CCDC69: variants seen among roughly 807,000 people sequenced by gnomAD.
The protein encoded by CCDC69 is coiled-coil domain-containing protein 69.
Under a neutral mutation model 40.3 loss-of-function variants are expected in CCDC69, and 38 were observed. The ratio of observed to expected loss-of-function variants is 0.94; its 90% CI spans 0.73 to 1.24. The LOEUF (loss-of-function observed/expected upper bound fraction) is 1.24. CCDC69 is among the 50% of genes most tolerant of loss of function. The pLI is 0.00. For synonymous variants in CCDC69, 141 were observed against 138.9 expected (o/e 1.02, Z -0.11); for missense variants, 389 against 357.9 (o/e 1.09, Z -0.70).
intron 1 of CCDC69, 103 bp downstream of exon 1, chr5:151,223,820 C>T (rs2114009146): frequency 4.2e-6 from 5 of 1,203,232 alleles, no homozygotes; most frequent in Non-Finnish European, 5.9e-6. Flanking sequence ...GTCCGGTATC[C>T]CGGGCCGACC....
At chr5:151,212,696 A>G in intron 1 of CCDC69, 1 of 436,490 alleles carries the variant, frequency 2.3e-6, no homozygotes, top group South Asian at 1.6e-5. Flanking sequence ...GGCTGTTAAC[A>G]GAACAAGAGT....
intron 4 of CCDC69, among the ~76,000 whole-genome samples, chr5:151,194,784 T>A (rs1752671360): frequency 6.6e-6 from 1 of 150,480 alleles, no homozygotes; most frequent in South Asian, 2.1e-4. Flanking sequence ...TCCCAGTTAC[T>A]CGGGAGGCTC....
intron 1 of CCDC69, among the ~76,000 whole-genome samples, chr5:151,209,969 T>G (rs1752907204): frequency 6.6e-6 from 1 of 152,198 alleles, no homozygotes; most frequent in Non-Finnish European, 1.5e-5. Context: ...AGAAAATACA[T>G]GAAAATATAG....
intron 2 of CCDC69, among the ~76,000 whole-genome samples, chr5:151,203,380 G>T (rs1016925814): frequency 7.3e-5 from 11 of 151,396 alleles, no homozygotes; most frequent in Non-Finnish European, 1.5e-4. Context: ...CATGGTGGCA[G>T]GCGCCTGTAA....
chr5:151,211,628 A>T (rs965726768), intron 1 of CCDC69, among the ~76,000 whole-genome samples: 6 of 151,172 alleles, frequency 4.0e-5, no homozygotes, highest in Admixed American at 6.6e-5. Context: ...GGCTCAAGCA[A>T]TTCTCCTGCC....
rs1158999826 is a variant in CCDC69 at position 151,183,225 on chromosome 5, G to T, written c.*212C>A. 3 of 699,054 alleles carry T rather than the reference G, an allele frequency of 4.3e-6. No homozygotes were observed. The highest frequency in any genetic ancestry group is 4.0e-5 in the Admixed American group (2 of 49,594). 43.3% of individuals were successfully genotyped at this position (699,054 alleles called of 1,614,324 possible). A position where few individuals can be genotyped will look rare whatever the true frequency, so the allele number is the denominator to read the frequency against. On this transcript the variant is annotated 3_prime_UTR_variant, in exon 9 of 9. Transcript: ENST00000355417. ...TTGCTTATTCCCTTGGCCAACTCAA[G>T]GGAAGACGCTTCTCGGGGCCTCCAA...
chr5:151,185,516 C>T lies in CCDC69; in HGVS notation c.521G>A (p.Trp174Ter), dbSNP rs1752495013. 6.2e-7 allele frequency: 1 copy of T among 1,614,076 alleles called. No homozygotes were observed. Among genetic ancestry groups the T allele is most frequent in the South Asian group, 1.1e-5 (1 of 91,078 alleles). Residue 174 changes from tryptophan (W) to a stop codon, truncating the protein, a stop_gained, in exon 7 of 9, where the codon TGG (tryptophan) becomes TAG (stop). Transcript: ENST00000355417. LOFTEE classifies it high-confidence loss of function. ...IQDYGSPSQF[W>*]EQELESLHFV... ...GTGTAAGCTCTCCAGCTCCTGCTCC[C>T]AGAACTGGCTGGGGCTCCCATAATC...
At chr5:151,209,715 G>C (rs1282394631) in intron 1 of CCDC69, among the ~76,000 whole-genome samples, 2 of 152,076 alleles carry the variant, frequency 1.3e-5, no homozygotes, top group East Asian at 3.8e-4. Context: ...AAGTAGCTGG[G>C]ACTACAGGCG....
chr5:151,209,178 C>T (rs1248442465), intron 1 of CCDC69, among the ~76,000 whole-genome samples: 7 of 152,244 alleles, frequency 4.6e-5, no homozygotes, highest in Non-Finnish European at 1.0e-4. Flanking sequence ...TCGGATTTCT[C>T]ATGAGGCTCT....
chr5:151,201,487 A>G (rs1246223424), intron 3 of CCDC69, 95 bp downstream of exon 3: 4 of 761,330 alleles, frequency 5.3e-6, no homozygotes, highest in Non-Finnish European at 8.8e-6. Flanking sequence ...GGACTCTTAC[A>G]ACAGCAACAA....
At chr5:151,219,499 C>T (rs77581683) in intron 1 of CCDC69, among the ~76,000 whole-genome samples, 2,934 of 152,152 alleles carry the variant, frequency 0.019, 238 homozygotes, top group Admixed American at 0.15. Flanking sequence ...AAATAAGCCA[C>T]GGAACAGCCA....
At chr5:151,203,437 G>T (rs1752803862) in intron 2 of CCDC69, among the ~76,000 whole-genome samples, 1 of 151,240 alleles carries the variant, frequency 6.6e-6, no homozygotes, top group Admixed American at 6.6e-5. Flanking sequence ...TTGAACCTGG[G>T]AGGCGGAGGT....
At position 151,220,480 on chromosome 5, in the gene CCDC69, G is replaced by T. The variant is rs117820827; in HGVS notation, c.48+3443C>A. On this transcript the variant is annotated intron_variant, in intron 1 of 8. Coordinates refer to ENST00000355417, the MANE Select transcript of CCDC69 (RefSeq NM_015621.3). Reference sequence around the variant, plus strand: ...CACAAATGTTTGCCAAGTTAGCCATGCCCTTGTTGTCTACTGGTTGATTTC... The same window carrying T: ...CACAAATGTTTGCCAAGTTAGCCATTCCCTTGTTGTCTACTGGTTGATTTC... Among the ~76,000 whole-genome samples the T allele has an allele frequency of 7.5e-4, 114 of 152,316 alleles. No homozygotes were observed. In the East Asian group the frequency reaches 0.011, roughly 15 times the overall value.
Position 151,205,402 on chromosome 5 carries a change from G to A in CCDC69, c.122C>T (p.Thr41Ile). The stretch of plus-strand genomic sequence containing the variant: ...CCTTTGTGGGGCTGGCTACTCACCT[G>A]TGTCCCCATTGAGGGGACCTAATTC... ...PHELGPLNGDTAITVQLCASE... is the reference protein window; with the variant it reads ...PHELGPLNGDIAITVQLCASE... The change falls in exon 2 of 9, where the codon ACA becomes ATA. Residue 41 changes from threonine (T) to isoleucine (I), a missense_variant and splice_region_variant. Transcript: ENST00000355417. 1 of 1,613,148 alleles carries A rather than the reference G, an allele frequency of 6.2e-7. No homozygotes were observed. Among genetic ancestry groups the A allele is most frequent in the South Asian group, 1.1e-5 (1 of 91,046 alleles).
intron 1 of CCDC69, among the ~76,000 whole-genome samples, chr5:151,220,557 C>T (rs1374729819): frequency 6.6e-6 from 1 of 152,226 alleles, no homozygotes; most frequent in Non-Finnish European, 1.5e-5. Context: ...CTTCTGTCAC[C>T]TGGCTTGCTA....
At chr5:151,221,503 T>C (rs1300675848) in intron 1 of CCDC69, among the ~76,000 whole-genome samples, 1 of 152,222 alleles carries the variant, frequency 6.6e-6, no homozygotes, top group Non-Finnish European at 1.5e-5. Flanking sequence ...TTGTCCCTCA[T>C]TCACTCAAAT....
rs142006070 is a variant in CCDC69 at position 151,187,411 on chromosome 5, A to C, written c.368T>G (p.Phe123Cys). 1 of 1,614,134 alleles carries C rather than the reference A, an allele frequency of 6.2e-7. No individual in the cohort carries two copies. The highest frequency in any genetic ancestry group is 2.2e-5 in the East Asian group (1 of 44,882). Residue 123 changes from phenylalanine (F) to cysteine (C), a missense_variant, in exon 5 of 9, where the codon TTC becomes TGC. Physicochemically the swap from Phe to Cys is radical, Grantham distance 205 (BLOSUM62 -2). Coordinates refer to ENST00000355417, the MANE Select transcript of CCDC69 (RefSeq NM_015621.3). The stretch of plus-strand genomic sequence containing the variant: ...CTGCTGGGTAGAACTGGCCTCCCGG[A>C]AAGAGTGGGTAAGCGCTTCTTTCTC... ...EQEKEALTHS[F>C]REASSTQQET... is the part of the protein sequence containing the mutation.
chr5:151,199,000 G>T lies in CCDC69; in HGVS notation c.316C>A (p.Gln106Lys). 6.2e-7 allele frequency: 1 copy of T among 1,613,182 alleles called. No individual in the cohort carries two copies. Among genetic ancestry groups the T allele is most frequent in the Non-Finnish European group, 8.5e-7 (1 of 1,179,136 alleles). Reference sequence around the variant, plus strand: ...AGTGGAACATCTCTACCCTTACCTTGCAGGGCCTCTTCATTCTTTCCTTCC... The same window carrying T: ...AGTGGAACATCTCTACCCTTACCTTTCAGGGCCTCTTCATTCTTTCCTTCC... The part of the protein sequence containing the change: ...VLEGKNEEAL[Q>K]VLRASYEQEK... The change falls in exon 4 of 9, where the codon CAA becomes AAA. Residue 106 changes from glutamine to lysine, a missense_variant. Physicochemically the swap from Gln to Lys is moderately conservative, Grantham distance 53 (BLOSUM62 1). Coordinates refer to ENST00000355417, the MANE Select transcript of CCDC69 (RefSeq NM_015621.3).
In CCDC69 at chr5:151,201,586, TG is replaced by T. The variant is rs1561601721; in HGVS notation, c.226del (p.Gln76AsnfsTer9). On this transcript the variant is annotated frameshift_variant, in exon 3 of 9. Transcript: ENST00000355417. LOFTEE classifies it high-confidence loss of function. The stretch of plus-strand genomic sequence containing the variant: ...GGTGGGGGCACCTGGACTTACCTGT[TG>T]TGCCCATTTCTTCTTTTCCTCCTCA... ...QHEEEKKKWA[Q>X]QVEKERELEL... 1.9e-6 allele frequency: 3 copies of T among 1,609,494 alleles called. No individual in the cohort carries two copies. In the African/African-American group the frequency reaches 4.0e-5, roughly 22 times the overall value.
Sources: allele counts gnomAD v4.1 joint callset (sites outside exome capture counted in the v4.1 genomes callset), GRCh38; gene constraint gnomAD v4.1.1; transcripts MANE v1.5; gene names NCBI Gene and HGNC (gene_info 2026-07-23, HGNC 2026-07-21).